Variants in GRID2 observed in about 807,000 individuals in gnomAD.
The protein encoded by GRID2 is glutamate receptor ionotropic, delta-2.
In GRID2, 33 loss-of-function variants were observed where a neutral mutation model predicts 114.8. The observed-to-expected ratio is 0.29, with a 90% CI of 0.22 to 0.38. The LOEUF is 0.38. Ranked by LOEUF, GRID2 falls within the 10% of genes least tolerant of loss-of-function variation. The probability of loss-of-function intolerance (pLI) is 1.00; values close to 1 mark genes in which losing one functional copy is unlikely to be tolerated. For synonymous variants in GRID2, 505 were observed against 449.9 expected, an observed-to-expected ratio of 1.12 and a Z score of -1.55; for missense variants, 1,184 against 1,257.7, an observed-to-expected ratio of 0.94 and a Z score of 0.89.
chr4:93,782,945 A>G (rs1734509769), intron 1 of GRID2, among the ~76,000 whole-genome samples: 1 of 152,144 alleles, frequency 6.6e-6, no homozygotes, highest in Non-Finnish European at 1.5e-5. Flanking sequence ...CTTATAAAAG[A>G]GAATCACACA....
chr4:92,774,577 CTTTTTTTTTTTTTTT>C (rs1166044188), intron 2 of GRID2, among the ~76,000 whole-genome samples: 1 of 106,370 alleles, frequency 9.4e-6, no homozygotes, highest in Admixed American at 1.1e-4. Flanking sequence ...TTTTTCTTTC[CTTTTTTTTTTTTTTT>C]TTTTTTTTGA....
At chr4:93,744,908 A>G (rs1037041887) in intron 14 of GRID2, among the ~76,000 whole-genome samples, 3 of 152,238 alleles carry the variant, frequency 2.0e-5, no homozygotes, top group African/African-American at 7.2e-5. Flanking sequence ...CCAGCTGTCA[A>G]TGCTTGGGCA....
intron 2 of GRID2, among the ~76,000 whole-genome samples, chr4:92,635,346 G>C (rs1418463467): frequency 1.3e-5 from 2 of 151,962 alleles, no homozygotes; most frequent in African/African-American, 4.8e-5. Context: ...TTAGACTCCC[G>C]ATATTTGTAA....
chr4:93,319,149 A>T (rs1302610836), intron 8 of GRID2, among the ~76,000 whole-genome samples: 1 of 152,104 alleles, frequency 6.6e-6, no homozygotes, highest in Non-Finnish European at 1.5e-5. Flanking sequence ...CCAAAAGAAC[A>T]TGGGTACTTT....
intron 13 of GRID2, among the ~76,000 whole-genome samples, chr4:93,591,774 C>T (rs1362127699): frequency 7.2e-5 from 11 of 151,998 alleles, no homozygotes; most frequent in Non-Finnish European, 1.3e-4. Flanking sequence ...TTCTTCCTGG[C>T]TTAGTCTTGG....
At chr4:93,301,229 T>C (rs1754838294) in intron 8 of GRID2, among the ~76,000 whole-genome samples, 1 of 152,218 alleles carries the variant, frequency 6.6e-6, no homozygotes, top group Admixed American at 6.5e-5. Context: ...AAATGTTTAA[T>C]TGTAAACTGT....
chr4:93,581,220 T>A (rs1421289503), intron 13 of GRID2, among the ~76,000 whole-genome samples: 1 of 151,930 alleles, frequency 6.6e-6, no homozygotes, highest in Admixed American at 6.6e-5. Context: ...CTTGTGTTAG[T>A]TTAGATTTTT....
intron 2 of GRID2, among the ~76,000 whole-genome samples, chr4:92,759,478 A>C (rs1578153191): frequency 6.6e-6 from 1 of 152,184 alleles, no homozygotes; most frequent in East Asian, 1.9e-4. Context: ...TTCACTGATG[A>C]GCGCTCCACT....
At chr4:93,520,468 T>G (rs1406128205) in intron 13 of GRID2, among the ~76,000 whole-genome samples, 1 of 151,998 alleles carries the variant, frequency 6.6e-6, no homozygotes, top group Non-Finnish European at 1.5e-5. Context: ...GCATATAGTT[T>G]GGAGAGAGGG....
At chr4:92,569,505 G>C (rs1727506375) in intron 1 of GRID2, among the ~76,000 whole-genome samples, 1 of 152,026 alleles carries the variant, frequency 6.6e-6, no homozygotes, top group Admixed American at 6.6e-5. Flanking sequence ...AGAGTGTTGG[G>C]TTAAATGGTA....
chr4:93,425,751 G>T (rs1768780330), intron 10 of GRID2, among the ~76,000 whole-genome samples: 1 of 152,090 alleles, frequency 6.6e-6, no homozygotes, highest in South Asian at 2.1e-4. Flanking sequence ...CCTCTGACAA[G>T]TTAGTTAATA....
chr4:92,696,801 T>C (rs562232059), intron 2 of GRID2, among the ~76,000 whole-genome samples: 4 of 152,296 alleles, frequency 2.6e-5, no homozygotes, highest in African/African-American at 7.2e-5. Flanking sequence ...GTGTGTGTCA[T>C]AATAGATGAT....
At chr4:93,358,049 A>G (rs1312714062) in intron 8 of GRID2, among the ~76,000 whole-genome samples, 1 of 151,782 alleles carries the variant, frequency 6.6e-6, no homozygotes, top group Admixed American at 6.6e-5. Context: ...ATGTTTACAA[A>G]CAAAGTCTTT....
At chr4:92,451,231 G>A (rs1290093091) in intron 1 of GRID2, among the ~76,000 whole-genome samples, 2 of 152,086 alleles carry the variant, frequency 1.3e-5, no homozygotes, top group African/African-American at 4.8e-5. Context: ...CAGATAATTG[G>A]AGAATACGTG....
chr4:92,493,494 C>T (rs1315414600), intron 1 of GRID2, among the ~76,000 whole-genome samples: 1 of 152,152 alleles, frequency 6.6e-6, no homozygotes, highest in Non-Finnish European at 1.5e-5. Flanking sequence ...CTGAGACTAA[C>T]CTTCAATTAA....
chr4:93,210,433 G>T (rs1743321606), intron 5 of GRID2, among the ~76,000 whole-genome samples: 1 of 152,086 alleles, frequency 6.6e-6, no homozygotes, highest in Non-Finnish European at 1.5e-5. Context: ...AATCTGTTCT[G>T]CTGCATTCAT....
At chr4:93,778,698 T>G (rs1734421010), downstream of GRID2, among the ~76,000 whole-genome samples, 1 of 152,138 alleles carries the variant, frequency 6.6e-6, no homozygotes, top group African/African-American at 2.4e-5. Flanking sequence ...ACGCCCAGTC[T>G]TATATCATTT....
intron 1 of GRID2, among the ~76,000 whole-genome samples, chr4:93,802,324 C>T (rs530394802): frequency 2.0e-4 from 31 of 152,124 alleles, no homozygotes; most frequent in African/African-American, 7.5e-4. Context: ...GCGTCAAAAC[C>T]AGCCCTGACA....
intron 1 of GRID2, among the ~76,000 whole-genome samples, chr4:92,462,867 T>C (rs1721564160): frequency 6.6e-6 from 1 of 151,984 alleles, no homozygotes; most frequent in South Asian, 2.1e-4. Flanking sequence ...CCCTTTTCTA[T>C]GGAGGGCCAT....
Sources: gnomAD v4.1 joint callset for allele counts (sites outside exome capture counted in the v4.1 genomes callset) on GRCh38, gnomAD v4.1.1 for gene constraint, MANE v1.5 for transcripts, NCBI Gene and HGNC (gene_info 2026-07-23, HGNC 2026-07-21) for gene names.